The following KIFAP3 variants were observed in gnomAD, a reference collection of about 807,000 sequenced individuals.
KIFAP3 encodes kinesin associated protein 3, also known as kinesin-associated protein 3.
KIFAP3 carries 68 observed loss-of-function variants against 106.5 expected under a neutral mutation model. That is an observed-to-expected ratio of 0.64 (90% CI 0.53 to 0.78). KIFAP3 has a LOEUF of 0.78. Among genes scored for constraint, KIFAP3 ranks in the 30% least tolerant of loss-of-function variants. The pLI is 0.00. For missense variants in KIFAP3, 780 were observed against 941.8 expected (o/e 0.83, Z 2.25); for synonymous variants, 320 against 311.5 (o/e 1.03, Z -0.29).
upstream of KIFAP3, among the ~76,000 whole-genome samples, chr1:170,078,667 T>A (rs898009144): frequency 4.6e-5 from 7 of 152,156 alleles, no homozygotes; most frequent in Non-Finnish European, 7.4e-5. Flanking sequence ...GAATACCTAA[T>A]GACAATATTT....
chr1:170,083,784 A>T (rs781757155), intron 1 of KIFAP3, among the ~76,000 whole-genome samples: 1 of 152,138 alleles, frequency 6.6e-6, no homozygotes, highest in Non-Finnish European at 1.5e-5. Flanking sequence ...TCACTTAAGC[A>T]CTCTGTGTGT....
intron 4 of KIFAP3, among the ~76,000 whole-genome samples, chr1:170,038,920 T>C (rs758207681): frequency 4.6e-5 from 7 of 152,050 alleles, no homozygotes; most frequent in African/African-American, 7.2e-5. Context: ...CCATCACTAC[T>C]AAAAATACAA....
At chr1:170,078,583 C>T (rs190483694), upstream of KIFAP3, among the ~76,000 whole-genome samples, 151 of 152,048 alleles carry the variant, frequency 9.9e-4, no homozygotes, top group African/African-American at 3.4e-3. Flanking sequence ...AAGCAAATAC[C>T]TTGAATGATA....
At chr1:169,937,024 G>C (rs1388229252) in intron 19 of KIFAP3, among the ~76,000 whole-genome samples, 1 of 150,036 alleles carries the variant, frequency 6.7e-6, no homozygotes, top group Non-Finnish European at 1.5e-5. Context: ...ACAGGTAAAA[G>C]ACCATTGATG....
chr1:170,053,695 T>C (rs747439347), intron 2 of KIFAP3, among the ~76,000 whole-genome samples: 3 of 151,752 alleles, frequency 2.0e-5, no homozygotes, highest in Non-Finnish European at 2.9e-5. Flanking sequence ...ACCACACATC[T>C]ACAACCAACT....
chr1:170,041,721 G>C, intron 3 of KIFAP3: 5 of 1,535,258 alleles, frequency 3.3e-6, no homozygotes, highest in Non-Finnish European at 4.4e-6. Flanking sequence ...TTCTGAATCT[G>C]AAAGACTTCT....
At position 169,977,822 on chromosome 1, in the gene KIFAP3, T is replaced by C. The variant is rs77331625; in HGVS notation, c.1897+263A>G. ...ACCTCTGATGCTTACAGTGTGTTAA[T>C]AGAGAAGGAAGTTCTGATATGTTTG... On this transcript the variant is annotated intron_variant, in intron 16 of 19. Transcript: ENST00000361580. 3.9e-4 allele frequency among the ~76,000 whole-genome samples: 59 copies of C among 152,210 alleles called. No homozygotes were observed. In the East Asian group the frequency reaches 0.011, roughly 27 times the overall value.
intron 10 of KIFAP3, among the ~76,000 whole-genome samples, chr1:170,013,480 T>C (rs937698562): frequency 1.7e-5 from 2 of 120,938 alleles, no homozygotes; most frequent in African/African-American, 3.4e-5. Flanking sequence ...CTGACATACA[T>C]ATATATATAT....
At chr1:170,084,946 T>C (rs7549000) in intron 1 of KIFAP3, 1 of 152,172 alleles carries the variant, frequency 6.6e-6, no homozygotes, top group Admixed American at 6.5e-5. Context: ...ACAGAGGGGT[T>C]AGAATTACAT....
At chr1:169,957,189 T>C (rs1665060905) in intron 18 of KIFAP3, among the ~76,000 whole-genome samples, 1 of 152,202 alleles carries the variant, frequency 6.6e-6, no homozygotes, top group Non-Finnish European at 1.5e-5. Context: ...GTGTCTTAAA[T>C]TCCTACTCTA....
intron 8 of KIFAP3, among the ~76,000 whole-genome samples, chr1:170,028,699 G>C (rs1052673407): frequency 3.9e-5 from 6 of 152,158 alleles, no homozygotes; most frequent in Admixed American, 3.3e-4. Context: ...ATAGAGTTGG[G>C]AGAGGGAAGA....
chr1:170,010,988 A>G (rs1378321538), intron 10 of KIFAP3, among the ~76,000 whole-genome samples: 5 of 152,022 alleles, frequency 3.3e-5, no homozygotes, highest in Non-Finnish European at 7.4e-5. Context: ...CAACTTGAAC[A>G]TATATCAAAC....
chr1:170,007,523 C>G (rs536816934), intron 10 of KIFAP3, among the ~76,000 whole-genome samples: 1 of 152,050 alleles, frequency 6.6e-6, no homozygotes, highest in South Asian at 2.1e-4. Flanking sequence ...TTTACAATTG[C>G]TACGAAGAGA....
At chr1:170,016,920 T>C (rs1346607045) in intron 9 of KIFAP3, among the ~76,000 whole-genome samples, 1 of 152,142 alleles carries the variant, frequency 6.6e-6, no homozygotes, top group Admixed American at 6.5e-5. Flanking sequence ...TACCAGGCCC[T>C]ATGCAAAGAA....
intron 1 of KIFAP3, among the ~76,000 whole-genome samples, chr1:170,066,539 T>C (rs1671454406): frequency 6.6e-6 from 1 of 152,082 alleles, no homozygotes. Flanking sequence ...AAAATTACAG[T>C]GCCAAGATCC....
intron 8 of KIFAP3, among the ~76,000 whole-genome samples, chr1:170,031,526 A>T (rs1229662980): frequency 1.3e-5 from 2 of 151,944 alleles, no homozygotes; most frequent in African/African-American, 4.8e-5. Context: ...GAAATATTTT[A>T]AAATGTTTAT....
chr1:170,046,210 C>CAAAAAAAAAAAAAA (rs60580320), intron 3 of KIFAP3, among the ~76,000 whole-genome samples: 28 of 56,898 alleles, frequency 4.9e-4, no homozygotes, highest in South Asian at 9.8e-4. Flanking sequence ...TTCTCTGCTG[C>CAAAAAAAAAAAAAA]AAAAAAAAAA....
At chr1:169,935,504 A>G (rs1663741949) in intron 19 of KIFAP3, among the ~76,000 whole-genome samples, 1 of 152,052 alleles carries the variant, frequency 6.6e-6, no homozygotes, top group Non-Finnish European at 1.5e-5. Flanking sequence ...AAGCTAAACA[A>G]AGAAAACAGG....
At chr1:170,077,764 A>G (rs999845932), upstream of KIFAP3, among the ~76,000 whole-genome samples, 4 of 152,130 alleles carry the variant, frequency 2.6e-5, no homozygotes, top group Admixed American at 1.3e-4. Flanking sequence ...TTCTGTTCCT[A>G]TAATTTTGCC....
Sources: gnomAD v4.1 joint callset for allele counts (sites outside exome capture counted in the v4.1 genomes callset) on GRCh38, gnomAD v4.1.1 for gene constraint, MANE v1.5 for transcripts, NCBI Gene and HGNC (gene_info 2026-07-23, HGNC 2026-07-21) for gene names.